The following CTNNA3 variants were observed in gnomAD, a reference collection of about 807,000 sequenced individuals.
The protein encoded by CTNNA3 is catenin alpha 3, also known as catenin alpha-3.
Under a neutral mutation model 95.7 loss-of-function variants are expected in CTNNA3, and 76 were observed. The ratio of observed to expected loss-of-function variants is 0.79; its 90% CI spans 0.66 to 0.96. The LOEUF (loss-of-function observed/expected upper bound fraction) is 0.96. Among genes scored for constraint, CTNNA3 ranks in the 40% least tolerant of loss-of-function variants. The pLI, the probability that CTNNA3 is intolerant of heterozygous loss-of-function variation, is 0.00. For missense variants in CTNNA3, 1,191 were observed against 1,089.8 expected (o/e 1.09, Z -1.31); for synonymous variants, 431 against 374.4 (o/e 1.15, Z -1.74).
At chr10:66,320,856 T>C (rs2092173629) in intron 12 of CTNNA3, among the ~76,000 whole-genome samples, 2 of 152,162 alleles carry the variant, frequency 1.3e-5, no homozygotes, top group African/African-American at 4.8e-5. Flanking sequence ...TCATTTAGAC[T>C]TTTGTTAAAG....
intron 11 of CTNNA3, among the ~76,000 whole-genome samples, chr10:66,446,581 T>C (rs1368958945): frequency 6.6e-6 from 1 of 151,932 alleles, no homozygotes; most frequent in East Asian, 1.9e-4. Flanking sequence ...AACCACATGA[T>C]TATCTCAATA....
intron 13 of CTNNA3, among the ~76,000 whole-genome samples, chr10:66,185,207 G>A (rs543247212): frequency 8.6e-5 from 13 of 152,018 alleles, no homozygotes; most frequent in Admixed American, 1.3e-4. Context: ...TAACAATTTC[G>A]GTAAATAAAT....
intron 7 of CTNNA3, among the ~76,000 whole-genome samples, chr10:67,053,242 A>T (rs1855220273): frequency 6.6e-6 from 1 of 152,200 alleles, no homozygotes. Flanking sequence ...CTACCTACAC[A>T]CTAGGATGCA....
intron 1 of CTNNA3, among the ~76,000 whole-genome samples, chr10:67,750,074 T>A (rs1841397630): frequency 6.6e-6 from 1 of 152,118 alleles, no homozygotes; most frequent in Non-Finnish European, 1.5e-5. Flanking sequence ...TCAGCGAGAC[T>A]ATGAACCCGC....
In CTNNA3 at chr10:66,542,654, C is replaced by T. The variant is rs111824765; in HGVS notation, c.1375-21881G>A. Among the ~76,000 whole-genome samples, 1,045 of 150,048 alleles carry T rather than the reference C, an allele frequency of 7.0e-3. 14 individuals are homozygous for T. The highest frequency in any genetic ancestry group is 0.024 in the African/African-American group (998 of 40,746). On this transcript the variant is annotated intron_variant, in intron 10 of 17. Coordinates refer to ENST00000433211, the MANE Select transcript of CTNNA3 (RefSeq NM_013266.4). ...ATCACAAGGACAAAAAACCAAACAC[C>T]GCATGTTCTCACTCATAGGTGGGAA... is the stretch of plus-strand genomic sequence containing the variant.
chr10:66,327,681 CTATAA>C (rs1480611714), intron 12 of CTNNA3, among the ~76,000 whole-genome samples: 3 of 151,744 alleles, frequency 2.0e-5, no homozygotes, highest in East Asian at 1.9e-4. Context: ...TCTTAGGACC[CTATAA>C]TATGATTATT....
chr10:66,508,229 A>G (rs1276288393), intron 11 of CTNNA3, among the ~76,000 whole-genome samples: 1 of 110,866 alleles, frequency 9.0e-6, no homozygotes, highest in African/African-American at 3.7e-5. Flanking sequence ...TTTTTTAACA[A>G]TTTCGTTGAC....
In CTNNA3 at chr10:66,928,529, A is replaced by G. The variant is rs1847201466; in HGVS notation, c.1048-153005T>C. The G allele has an allele frequency of 3.6e-6, 5 of 1,370,840 alleles. No individual in the cohort carries two copies. In the East Asian group the frequency reaches 1.2e-4, roughly 32 times the overall value. 84.9% of individuals were successfully genotyped at this position (1,370,840 alleles called of 1,614,324 possible). On this transcript the variant is annotated intron_variant, in intron 7 of 17. Transcript: ENST00000433211. ...GCTTTATTGAACTCTGGTGACTATC[A>G]AGGGAACGCGATGCCCCCCCTCCCC...
chr10:66,133,524 CAAAA>C (rs2083218592), intron 13 of CTNNA3, among the ~76,000 whole-genome samples: 2 of 138,434 alleles, frequency 1.4e-5, no homozygotes, highest in South Asian at 4.6e-4. Flanking sequence ...AAAAAAAAAA[CAAAA>C]AACAAAAAAC....
intron 2 of CTNNA3, among the ~76,000 whole-genome samples, chr10:67,646,724 T>C (rs536853785): frequency 2.6e-5 from 4 of 152,114 alleles, no homozygotes; most frequent in Non-Finnish European, 5.9e-5. Flanking sequence ...GGAGGCAAGA[T>C]GTAAGGCAGG....
At chr10:66,693,179 A>C (rs1419577603) in intron 9 of CTNNA3, among the ~76,000 whole-genome samples, 1 of 152,062 alleles carries the variant, frequency 6.6e-6, no homozygotes, top group African/African-American at 2.4e-5. Context: ...AACTGGATAA[A>C]GTCAAGACCC....
chr10:66,473,909 C>T (rs1310481382), intron 11 of CTNNA3, among the ~76,000 whole-genome samples: 3 of 152,050 alleles, frequency 2.0e-5, no homozygotes, highest in Admixed American at 2.0e-4. Context: ...TTAATCCAGT[C>T]TATCATTGTT....
At chr10:66,461,066 A>G (rs2093525953) in intron 11 of CTNNA3, among the ~76,000 whole-genome samples, 1 of 152,190 alleles carries the variant, frequency 6.6e-6, no homozygotes, top group African/African-American at 2.4e-5. Flanking sequence ...GAGAAGTTGT[A>G]GCATGGGAAA....
intron 5 of CTNNA3, among the ~76,000 whole-genome samples, chr10:67,499,198 G>GT (rs1441160911): frequency 8.4e-4 from 128 of 152,108 alleles, no homozygotes; most frequent in South Asian, 3.9e-3. Flanking sequence ...ATATTCATGG[G>GT]TTTTGTCGTT....
At chr10:66,259,077 G>GTC (rs750329084) in intron 13 of CTNNA3, among the ~76,000 whole-genome samples, 15 of 151,930 alleles carry the variant, frequency 9.9e-5, no homozygotes, top group Non-Finnish European at 2.2e-4. Context: ...TTAATCTTTG[G>GTC]TCTCTGCCTT....
chr10:66,541,393 C>T (rs535074453), intron 10 of CTNNA3, among the ~76,000 whole-genome samples: 1 of 152,114 alleles, frequency 6.6e-6, no homozygotes, highest in African/African-American at 2.4e-5. Flanking sequence ...AGAAACTCAA[C>T]AATTTTTTTT....
intron 9 of CTNNA3, among the ~76,000 whole-genome samples, chr10:66,652,336 G>A (rs992005931): frequency 6.6e-6 from 1 of 151,968 alleles, no homozygotes; most frequent in African/African-American, 2.4e-5. Flanking sequence ...CCACAGTAAT[G>A]CAAAAGAGTA....
chr10:67,595,103 A>G (rs574785155), intron 3 of CTNNA3, among the ~76,000 whole-genome samples: 28 of 152,222 alleles, frequency 1.8e-4, no homozygotes, highest in Admixed American at 1.8e-3. Flanking sequence ...ATGCATATAC[A>G]CACCAAAATG....
intron 13 of CTNNA3, among the ~76,000 whole-genome samples, chr10:66,171,255 A>C (rs1382331108): frequency 6.6e-6 from 1 of 151,308 alleles, no homozygotes; most frequent in Non-Finnish European, 1.5e-5. Flanking sequence ...AAAACTAACT[A>C]TGCTAGCCTT....
Sources: allele counts gnomAD v4.1 joint callset (sites outside exome capture counted in the v4.1 genomes callset), GRCh38; gene constraint gnomAD v4.1.1; transcripts MANE v1.5; gene names NCBI Gene and HGNC (gene_info 2026-07-23, HGNC 2026-07-21).